NTMT1: variants seen among roughly 807,000 people sequenced by gnomAD.
The protein encoded by NTMT1 is N-terminal Xaa-Pro-Lys N-methyltransferase 1, also known as N-terminal RCC1 methyltransferase.
Under a neutral mutation model 17.5 loss-of-function variants are expected in NTMT1, and 8 were observed. The observed-to-expected ratio is 0.46, with a 90% CI of 0.27 to 0.82. The LOEUF (loss-of-function observed/expected upper bound fraction) is 0.82, where lower values mean the gene tolerates loss of function less well. NTMT1 is among the 40% of genes least tolerant of loss of function. NTMT1 has a pLI of 0.15. For missense variants in NTMT1, 221 were observed against 303.5 expected, an observed-to-expected ratio of 0.73 and a Z score of 2.02; for synonymous variants, 128 against 126.8, an observed-to-expected ratio of 1.01 and a Z score of -0.06.
chr9:129,624,565 G>A (rs138242964), upstream of NTMT1, among the ~76,000 whole-genome samples: 3 of 152,346 alleles, frequency 2.0e-5, no homozygotes, highest in East Asian at 5.8e-4. Flanking sequence ...AACACATTTA[G>A]AGCAAACACA....
chr9:129,620,472 G>A lies in NTMT1; in HGVS notation c.-55+11294G>A. 1 of 1,370,200 alleles carries A rather than the reference G, an allele frequency of 7.3e-7. No individual in the cohort carries two copies. The highest frequency in any genetic ancestry group is 9.5e-7 in the Non-Finnish European group (1 of 1,056,590). 84.9% of individuals were successfully genotyped at this position (1,370,200 alleles called of 1,614,324 possible). On this transcript the variant is annotated intron_variant, in intron 1 of 3. Coordinates refer to the NTMT1 transcript ENST00000372486. The surrounding 1 kb of genome is among the most constrained non-coding windows in gnomAD (Gnocchi z 5.8). ...GCCGCTCGGAGCGCGGGCGGGGTCA[G>A]CTTGGGCAGCCGCGGGTCGCTGCTG...
upstream of NTMT1, among the ~76,000 whole-genome samples, chr9:129,625,802 A>C (rs1318237622): frequency 6.6e-6 from 1 of 151,896 alleles, no homozygotes; most frequent in Non-Finnish European, 1.5e-5. Context: ...ACTTGAAGTC[A>C]GGAGTTCGAG....
At chr9:129,627,686 CCT>C (rs768599840) in intron 1 of NTMT1, among the ~76,000 whole-genome samples, 38 of 152,260 alleles carry the variant, frequency 2.5e-4, no homozygotes, top group Admixed American at 1.1e-3. Context: ...AAATGTATCC[CCT>C]GTTTTGTCTT....
At chr9:129,617,501 A>G (rs1485812193) in intron 1 of NTMT1, among the ~76,000 whole-genome samples, 1 of 152,232 alleles carries the variant, frequency 6.6e-6, no homozygotes, top group Non-Finnish European at 1.5e-5. Context: ...CACACACAGT[A>G]AGGTGCTCAA....
At chr9:129,630,988 C>G (rs555710580) in intron 1 of NTMT1, among the ~76,000 whole-genome samples, 1 of 152,208 alleles carries the variant, frequency 6.6e-6, no homozygotes, top group East Asian at 1.9e-4. Flanking sequence ...AGCATGCACT[C>G]GAGGCCACCC....
At position 129,634,208 on chromosome 9, in the gene NTMT1, A is replaced by G; in HGVS notation, c.317A>G (p.Glu106Gly). 6.2e-7 allele frequency: 1 copy of G among 1,614,042 alleles called. No homozygotes were observed. The highest frequency in any genetic ancestry group is 1.1e-5 in the South Asian group (1 of 91,078). ...FLVQAKTYLG[E>G]EGKRVRNYFC... is the part of the protein sequence containing the mutation. Reference sequence around the variant, plus strand: ...GTTCAAGCCAAGACCTACCTGGGGGAGGAGGGCAAGAGGGTGAGGAACTAC... The same window carrying G: ...GTTCAAGCCAAGACCTACCTGGGGGGGGAGGGCAAGAGGGTGAGGAACTAC... Residue 106 changes from glutamate (E) to glycine (G), a missense_variant, in exon 3 of 4, where the codon GAG (glutamate) becomes GGG (glycine). Transcript: ENST00000372483.
rs370300951 is a variant in NTMT1 at position 129,613,442 on chromosome 9, C to T, written c.-55+4264C>T. ...GCTTCCCTGGAGCCTCACAGGCCAG[C>T]GCAGTCCCAACACGAGGAGCTGGCC... On this transcript the variant is annotated intron_variant, in intron 1 of 3. Transcript: ENST00000372486. This position sits in a 1 kb window ranked among gnomAD's most constrained non-coding sequence, Gnocchi z 6.2. 7.4e-6 allele frequency: 12 copies of T among 1,613,714 alleles called. No homozygotes were observed. In the East Asian group the frequency reaches 1.1e-4, roughly 15 times the overall value.
intron 1 of NTMT1, chr9:129,612,993 CAG>C (rs1479050884): frequency 3.6e-6 from 5 of 1,378,036 alleles, no homozygotes; most frequent in Non-Finnish European, 3.0e-6. Flanking sequence ...ACTTGGCTCT[CAG>C]GGAGGGTCCA....
At position 129,635,414 on chromosome 9, in the gene NTMT1, G is replaced by C; in HGVS notation, c.622G>C (p.Glu208Gln). The C allele has an allele frequency of 1.2e-6, 2 of 1,613,542 alleles. No individual in the cohort carries two copies. Among genetic ancestry groups the C allele is most frequent in the African/African-American group, 1.3e-5 (1 of 75,050 alleles). The change falls in exon 4 of 4, where the codon GAG becomes CAG. Residue 208 changes from glutamate (E) to glutamine (Q), a missense_variant. Glu to Gln is a conservative substitution (Grantham distance 29). Coordinates refer to ENST00000372483, the MANE Select transcript of NTMT1 (RefSeq NM_014064.4). ...GLSLLAEERQ[E>Q]NLPDEIYHVY... ...CAGCCTCCTGGCCGAGGAGAGGCAG[G>C]AGAACCTCCCCGATGAGATCTACCA...
In NTMT1 at chr9:129,634,293, C is replaced by A; in HGVS notation, c.402C>A (p.Ile134=). The change falls in exon 3 of 4, where the codon ATC becomes ATA. Residue 134 remains isoleucine (I), a synonymous_variant. Coordinates refer to ENST00000372483, the MANE Select transcript of NTMT1 (RefSeq NM_014064.4). ...CGGACTCTTACGACGTGATCTGGAT[C>A]CAGTGGGTGATAGGTGAGGGTTCCA... ...PEPDSYDVIW[I]QWVIGHLTDQ... 1 of 1,603,606 alleles carries A rather than the reference C, an allele frequency of 6.2e-7. No individual in the cohort carries two copies. The highest frequency in any genetic ancestry group is 1.1e-5 in the South Asian group (1 of 89,822).
Position 129,620,212 on chromosome 9 carries a change from A to T in NTMT1, c.-55+11034A>T. 1 of 1,382,378 alleles carries T rather than the reference A, an allele frequency of 7.2e-7. No individual in the cohort carries two copies. Among genetic ancestry groups the T allele is most frequent in the South Asian group, 1.7e-5 (1 of 57,674 alleles). The allele number at this position is 1,382,378 out of a possible 1,614,324, so 85.6% of individuals were successfully genotyped here. On this transcript the variant is annotated intron_variant, in intron 1 of 3. Coordinates refer to the NTMT1 transcript ENST00000372486. The surrounding 1 kb of genome is among the most constrained non-coding windows in gnomAD (Gnocchi z 5.8). ...GCCTCCGGGGGCGCTCGCGCTCTCC[A>T]GGCCCTGGCTGCCTGGGCGCCGATT...
chr9:129,624,957 A>C (rs1396039372), upstream of NTMT1, among the ~76,000 whole-genome samples: 1 of 152,238 alleles, frequency 6.6e-6, no homozygotes, highest in Non-Finnish European at 1.5e-5. Context: ...TAGTATAGGA[A>C]AAATGAACTT....
chr9:129,625,523 G>A (rs1830859474), upstream of NTMT1, among the ~76,000 whole-genome samples: 1 of 152,096 alleles, frequency 6.6e-6, no homozygotes, highest in Non-Finnish European at 1.5e-5. Context: ...GCTCTTTTCC[G>A]TTCGGGAGGT....
At position 129,615,517 on chromosome 9, in the gene NTMT1, T is replaced by G. The variant is rs1472374311; in HGVS notation, c.-55+6339T>G. 3.7e-6 allele frequency: 6 copies of G among 1,608,984 alleles called. No homozygotes were observed. In the East Asian group the frequency reaches 1.3e-4, roughly 36 times the overall value. ...CTGCGCTCCCAGTAGCGGAGCGTTGTGTCCTGCAGGGTCTCGTCAGCGAAT... is the reference window on the plus strand; with the variant it reads ...CTGCGCTCCCAGTAGCGGAGCGTTGGGTCCTGCAGGGTCTCGTCAGCGAAT... On this transcript the variant is annotated intron_variant, in intron 1 of 3. Transcript: ENST00000372486.
chr9:129,633,925 C>A, intron 2 of NTMT1, 129 bp from the exon 3 acceptor site: 1 of 1,085,576 alleles, frequency 9.2e-7, no homozygotes, highest in Middle Eastern at 2.5e-4. Context: ...GCACAGACCT[C>A]CCCACCAGTG....
upstream of NTMT1, among the ~76,000 whole-genome samples, chr9:129,625,803 G>A (rs932588720): frequency 2.6e-5 from 4 of 151,866 alleles, no homozygotes; most frequent in Non-Finnish European, 5.9e-5. Flanking sequence ...CTTGAAGTCA[G>A]GAGTTCGAGA....
chr9:129,617,004 T>C (rs977460067), intron 1 of NTMT1, among the ~76,000 whole-genome samples: 2 of 152,016 alleles, frequency 1.3e-5, no homozygotes, highest in Non-Finnish European at 2.9e-5. Context: ...GAGGTAGAGG[T>C]TGCAGTGAGC....
intron 1 of NTMT1, chr9:129,615,775 C>T: frequency 9.6e-7 from 1 of 1,045,350 alleles, no homozygotes. Flanking sequence ...TGGATAACGC[C>T]AATCACAGCA....
intron 1 of NTMT1, among the ~76,000 whole-genome samples, chr9:129,609,413 C>A (rs1830064615): frequency 6.6e-6 from 1 of 152,158 alleles, no homozygotes; most frequent in African/African-American, 2.4e-5. Context: ...CTGTCCATGA[C>A]CAATGGCAGG....
Sources: allele counts gnomAD v4.1 joint callset (sites outside exome capture counted in the v4.1 genomes callset), GRCh38; gene constraint gnomAD v4.1.1; non-coding constraint Gnocchi (gnomAD v3.1); transcripts MANE v1.5; gene names NCBI Gene and HGNC (gene_info 2026-07-23, HGNC 2026-07-21).